The following ZNF540 variants were observed in gnomAD, a reference collection of about 807,000 sequenced individuals.
ZNF540 encodes the protein zinc finger protein 540, also known as CTD-3064H18.6.
In ZNF540, 3 loss-of-function variants were observed where a neutral mutation model predicts 11.8. The ratio of observed to expected loss-of-function variants is 0.25; its 90% CI spans 0.12 to 0.65. ZNF540 has a LOEUF of 0.65. Among genes scored for constraint, ZNF540 ranks in the 30% least tolerant of loss-of-function variants. The probability of loss-of-function intolerance (pLI) is 0.83; values close to 1 mark genes in which losing one functional copy is unlikely to be tolerated. For missense variants in ZNF540, 709 were observed against 793.1 expected (o/e 0.89, Z 1.27); for synonymous variants, 247 against 259.0 (o/e 0.95, Z 0.45).
intron 1 of ZNF540, chr19:37,564,578 T>G (rs562278063): frequency 1.3e-5 from 19 of 1,457,944 alleles, no homozygotes; most frequent in Middle Eastern, 1.8e-4. Context: ...TTCTTAAATT[T>G]AATCACATTC....
chr19:37,566,889 A>G (rs2042879528), intron 1 of ZNF540, among the ~76,000 whole-genome samples: 1 of 152,156 alleles, frequency 6.6e-6, no homozygotes, highest in Non-Finnish European at 1.5e-5. Flanking sequence ...TATGGCTCAC[A>G]AGACCCTACA....
upstream of ZNF540, chr19:37,594,573 G>A (rs1173801398): frequency 6.6e-6 from 1 of 152,438 alleles, no homozygotes; most frequent in Admixed American, 6.5e-5. Context: ...ACACCCCTCC[G>A]CAAGCGCAAG....
At position 37,566,258 on chromosome 19, in the gene ZNF540, G is replaced by C. The variant is rs1378231846; in HGVS notation, c.-73+14593G>C. 4.3e-6 allele frequency: 7 copies of C among 1,612,732 alleles called. No individual in the cohort carries two copies. The African/African-American group carries it at 8.0e-5, about 18-fold the overall frequency. ...CATTTCATAAATTTCCTTTTCTGGA[G>C]ATAACTTTTTGGTCACACAACTGGA... is the stretch of plus-strand genomic sequence containing the variant. On this transcript the variant is annotated intron_variant, in intron 1 of 4. Transcript: ENST00000592533.
At chr19:37,554,547 A>G (rs1326700974) in intron 1 of ZNF540, among the ~76,000 whole-genome samples, 1 of 152,100 alleles carries the variant, frequency 6.6e-6, no homozygotes, top group African/African-American at 2.4e-5. Flanking sequence ...ACTAGTTTTC[A>G]GCAATTTGTC....
chr19:37,577,966 A>C (rs1156364027), intron 1 of ZNF540, among the ~76,000 whole-genome samples: 1 of 152,194 alleles, frequency 6.6e-6, no homozygotes. Context: ...GCGAGTGAGC[A>C]TCACCACCTG....
intron 1 of ZNF540, chr19:37,565,978 G>C (rs376501421): frequency 8.1e-6 from 13 of 1,613,742 alleles, no homozygotes; most frequent in Non-Finnish European, 1.1e-5. Flanking sequence ...GGCATGACAG[G>C]TAGCTGAAAC....
intron 1 of ZNF540, among the ~76,000 whole-genome samples, chr19:37,556,330 G>T (rs936605776): frequency 6.6e-6 from 1 of 152,184 alleles, no homozygotes; most frequent in Non-Finnish European, 1.5e-5. Context: ...TAGATAAAAA[G>T]AATTAATCTA....
chr19:37,580,179 C>T (rs1310069814), intron 1 of ZNF540, among the ~76,000 whole-genome samples: 1 of 152,170 alleles, frequency 6.6e-6, no homozygotes, highest in Non-Finnish European at 1.5e-5. Context: ...AAATGATCTC[C>T]AGCTATATTA....
intron 1 of ZNF540, among the ~76,000 whole-genome samples, chr19:37,579,715 G>C (rs1193316826): frequency 6.6e-6 from 1 of 152,142 alleles, no homozygotes; most frequent in African/African-American, 2.4e-5. Context: ...AAAGCCACCA[G>C]CCATATCTAA....
chr19:37,553,886 A>G (rs1158963953), intron 1 of ZNF540, among the ~76,000 whole-genome samples: 1 of 152,234 alleles, frequency 6.6e-6, no homozygotes, highest in African/African-American at 2.4e-5. Context: ...GAGGAAAACA[A>G]TATTTACTCA....
intron 1 of ZNF540, among the ~76,000 whole-genome samples, chr19:37,584,917 T>C (rs952575671): frequency 1.3e-5 from 2 of 150,934 alleles, no homozygotes; most frequent in Non-Finnish European, 2.9e-5. Flanking sequence ...TGAGCCGAGA[T>C]TGCGCCACTG....
chr19:37,571,267 G>A (rs2043041353), intron 1 of ZNF540, among the ~76,000 whole-genome samples: 1 of 152,062 alleles, frequency 6.6e-6, no homozygotes, highest in East Asian at 1.9e-4. Flanking sequence ...GGCTGAGGTG[G>A]GCAGATCACC....
chr19:37,590,897 TC>T (rs759151857), upstream of ZNF540, among the ~76,000 whole-genome samples: 3 of 152,218 alleles, frequency 2.0e-5, no homozygotes, highest in Non-Finnish European at 2.9e-5. Context: ...GCATTCTCTA[TC>T]TTAACAGTAG....
intron 1 of ZNF540, chr19:37,583,736 TC>T (rs1374868406): frequency 4.6e-5 from 19 of 415,936 alleles, no homozygotes; most frequent in African/African-American, 3.8e-4. Flanking sequence ...GCTAGGGGAT[TC>T]CCAGATTCAA....
intron 1 of ZNF540, among the ~76,000 whole-genome samples, chr19:37,558,456 G>A (rs1218519893): frequency 1.3e-5 from 2 of 151,998 alleles, no homozygotes; most frequent in South Asian, 2.1e-4. Flanking sequence ...CTCTAAAAAC[G>A]GTCCTGGTGA....
intron 1 of ZNF540, among the ~76,000 whole-genome samples, chr19:37,584,908 G>A (rs1403030501): frequency 2.0e-5 from 3 of 149,662 alleles, no homozygotes; most frequent in Non-Finnish European, 4.4e-5. Flanking sequence ...AGCTTGCAGT[G>A]AGCCGAGATT....
At chr19:37,606,589 A>T (rs2044087208) in intron 4 of ZNF540, among the ~76,000 whole-genome samples, 1 of 152,150 alleles carries the variant, frequency 6.6e-6, no homozygotes, top group Non-Finnish European at 1.5e-5. Flanking sequence ...AACACATGCT[A>T]TTACCTGTCT....
intron 1 of ZNF540, chr19:37,567,574 C>T (rs191592384): frequency 9.2e-5 from 14 of 152,272 alleles, no homozygotes; most frequent in African/African-American, 3.1e-4. Context: ...TCTTATTGGC[C>T]TGATTTAAGT....
chr19:37,598,472 T>A lies in ZNF540; in HGVS notation c.9+16T>A. 1.9e-6 allele frequency: 3 copies of A among 1,613,730 alleles called. No homozygotes were observed. The highest frequency in any genetic ancestry group is 2.5e-6 in the Non-Finnish European group (3 of 1,179,732). Reference sequence around the variant, plus strand: ...CATGGCCCATGTAAGTCACAGTTTCTCTTTCCTTTTTAGATTATTTTGTTT... The same window carrying A: ...CATGGCCCATGTAAGTCACAGTTTCACTTTCCTTTTTAGATTATTTTGTTT... On this transcript the variant is annotated intron_variant, in intron 2 of 4. Coordinates refer to ENST00000316433, the MANE Select transcript of ZNF540 (RefSeq NM_001172225.3).
Sources: gnomAD v4.1 joint callset for allele counts (sites outside exome capture counted in the v4.1 genomes callset) on GRCh38, gnomAD v4.1.1 for gene constraint, MANE v1.5 for transcripts, NCBI Gene and HGNC (gene_info 2026-07-23, HGNC 2026-07-21) for gene names.